Variants in MYOF observed in about 807,000 individuals in gnomAD.
The protein encoded by MYOF is myoferlin.
Under a neutral mutation model 284.2 loss-of-function variants are expected in MYOF, and 244 were observed. The observed-to-expected ratio is 0.86, with a 90% CI of 0.77 to 0.95. The LOEUF (loss-of-function observed/expected upper bound fraction) is 0.95, where lower values mean the gene tolerates loss of function less well. MYOF is among the 40% of genes least tolerant of loss of function. The pLI is 0.00. For missense variants in MYOF, 2,496 were observed against 2,560.6 expected, an observed-to-expected ratio of 0.97 and a Z score of 0.54; for synonymous variants, 904 against 919.7, an observed-to-expected ratio of 0.98 and a Z score of 0.31.
rs1848868917 is a variant in MYOF at position 93,431,503 on chromosome 10, CCGT to C, written c.247_249del (p.Thr83del). On this transcript the variant is annotated inframe_deletion, in exon 4 of 54. Transcript: ENST00000359263. ...GTCAGGTCCTTCAGGGCTACAGTCGCCGTGCCAATTAATCTGCAGGGAAAACAG... is the reference window on the plus strand; with the variant it reads ...GTCAGGTCCTTCAGGGCTACAGTCGCGCCAATTAATCTGCAGGGAAAACAG... The C allele has an allele frequency of 6.2e-7, 1 of 1,613,632 alleles. No individual in the cohort carries two copies. The highest frequency in any genetic ancestry group is 8.5e-7 in the Non-Finnish European group (1 of 1,179,804).
intron 12 of MYOF, among the ~76,000 whole-genome samples, chr10:93,399,980 AGCCAGTATAT>A (rs1847197017): frequency 6.6e-6 from 1 of 152,242 alleles, no homozygotes; most frequent in Non-Finnish European, 1.5e-5. Flanking sequence ...GCCAAGATCA[AGCCAGTATAT>A]GCCAGCCTCC....
At position 93,325,965 on chromosome 10, in the gene MYOF, T is replaced by A. The variant is rs766354108; in HGVS notation, c.5132A>T (p.Glu1711Val). 1 of 1,613,998 alleles carries A rather than the reference T, an allele frequency of 6.2e-7. No homozygotes were observed. Residue 1711 changes from glutamate (E) to valine (V), a missense_variant and splice_region_variant, in exon 46 of 54, where the codon GAA becomes GTA. Transcript: ENST00000359263. ...GGRDYSLDEF[E>V]ANKILHQHLG... is the part of the protein sequence containing the mutation. ...GTGCTGGTGCAGGATTTTGTTGGCT[T>A]CTGCAATGGAAAGCAGCATTGAAGC...
At chr10:93,377,451 G>A in intron 21 of MYOF, 22 bp from the exon 22 acceptor site, 1 of 1,510,970 alleles carries the variant, frequency 6.6e-7, no homozygotes, top group Non-Finnish European at 9.2e-7. Context: ...GAAAAGAGAG[G>A]AAATAATTGA....
chr10:93,374,727 A>G (rs747863468), intron 23 of MYOF, 36 bp downstream of exon 23: 3 of 1,590,210 alleles, frequency 1.9e-6, no homozygotes, highest in Non-Finnish European at 2.6e-6. Context: ...CCCTTCTTCC[A>G]TATCAGGTGA....
intron 51 of MYOF, among the ~76,000 whole-genome samples, chr10:93,312,400 C>T (rs781479549): frequency 6.6e-6 from 1 of 151,976 alleles, no homozygotes; most frequent in African/African-American, 2.4e-5. Context: ...GGCTGGAGTA[C>T]AGTGGCACGA....
At chr10:93,434,075 A>G (rs1848994118) in intron 3 of MYOF, among the ~76,000 whole-genome samples, 2 of 152,206 alleles carry the variant, frequency 1.3e-5, no homozygotes, top group Admixed American at 1.3e-4. Context: ...CTTGTAAAGA[A>G]CACCACACAA....
Position 93,369,731 on chromosome 10 carries a change from G to T in MYOF, c.2503C>A (p.Arg835=), listed in dbSNP as rs759204281. 1.2e-6 allele frequency: 2 copies of T among 1,614,018 alleles called. No homozygotes were observed. The highest frequency in any genetic ancestry group is 2.7e-5 in the African/African-American group (2 of 74,896). ...CTTAAGCCTAGCCAGATGTTCACTC[G>T]CAACTCCACAGGCACCTTTGGCCCG... The part of the protein sequence containing the change: ...NNGPKVPVEL[R]VNIWLGLSAV... The change falls in exon 25 of 54, where the codon CGA becomes AGA. Residue 835 remains arginine, a synonymous_variant. Transcript: ENST00000359263.
intron 1 of MYOF, among the ~76,000 whole-genome samples, chr10:93,471,175 T>C (rs1165920590): frequency 6.6e-6 from 1 of 152,172 alleles, no homozygotes; most frequent in Non-Finnish European, 1.5e-5. Flanking sequence ...TCTCCACTAA[T>C]AAAATGGCTC....
intron 18 of MYOF, among the ~76,000 whole-genome samples, chr10:93,388,283 C>T (rs1425077115): frequency 2.6e-5 from 4 of 152,176 alleles, no homozygotes; most frequent in African/African-American, 7.2e-5. Context: ...CAGGGAAGCT[C>T]TGCATTTATC....
At chr10:93,344,609 G>C (rs183163792) in intron 37 of MYOF, among the ~76,000 whole-genome samples, 6 of 151,804 alleles carry the variant, frequency 4.0e-5, no homozygotes, top group Admixed American at 3.9e-4. Flanking sequence ...GAGAGGCCAG[G>C]GGAAGGAGAA....
intron 3 of MYOF, among the ~76,000 whole-genome samples, chr10:93,438,547 G>A (rs2056143054): frequency 6.6e-6 from 1 of 152,066 alleles, no homozygotes; most frequent in African/African-American, 2.4e-5. Flanking sequence ...CCCTCACCAG[G>A]GCGTCTGCAG....
rs1157232251 is a variant in MYOF, at chr10:93,361,441, TAC to T, written c.2974+9_2974+10del. The T allele has an allele frequency of 6.2e-7, 1 of 1,612,898 alleles. No individual in the cohort carries two copies. The highest frequency in any genetic ancestry group is 8.5e-7 in the Non-Finnish European group (1 of 1,178,888). On this transcript the variant is annotated intron_variant, in intron 28 of 53. Coordinates refer to ENST00000359263, the MANE Select transcript of MYOF (RefSeq NM_013451.4). ...CAGAGCCCCAATCAGGTCACAGATG[TAC>T]AATGTTACCTTTCTCATCCACCGCT...
intron 4 of MYOF, among the ~76,000 whole-genome samples, chr10:93,429,871 G>C (rs1232599650): frequency 1.3e-5 from 2 of 151,990 alleles, no homozygotes; most frequent in African/African-American, 4.8e-5. Context: ...TTTTTTTAAA[G>C]CACATGCACT....
rs567362162 is a variant in MYOF, at chr10:93,403,702, C to T, written c.843+321G>A. Among the ~76,000 whole-genome samples, 8 of 152,272 alleles carry T rather than the reference C, an allele frequency of 5.3e-5. No individual in the cohort carries two copies. The East Asian group carries it at 1.5e-3, about 29-fold the overall frequency. On this transcript the variant is annotated intron_variant, in intron 9 of 53. Coordinates refer to ENST00000359263, the MANE Select transcript of MYOF (RefSeq NM_013451.4). ...TGGCTTTGCAGATGGAGCTTTGGGG[C>T]CCCCAGTAAGTGGAGGTAGATGGTG...
At chr10:93,443,288 A>G (rs61867760) in intron 3 of MYOF, among the ~76,000 whole-genome samples, 30 of 152,122 alleles carry the variant, frequency 2.0e-4, no homozygotes, top group Admixed American at 3.9e-4. Context: ...ATCCTTCCCT[A>G]TGAATTACAA....
chr10:93,391,997 G>A (rs1055413905), intron 17 of MYOF, among the ~76,000 whole-genome samples: 1 of 152,086 alleles, frequency 6.6e-6, no homozygotes, highest in Non-Finnish European at 1.5e-5. Flanking sequence ...ACCTACTACT[G>A]GTTCTATCAT....
At chr10:93,434,287 C>T (rs900905258) in intron 3 of MYOF, among the ~76,000 whole-genome samples, 2 of 151,984 alleles carry the variant, frequency 1.3e-5, no homozygotes, top group African/African-American at 4.8e-5. Flanking sequence ...AACAAATTAG[C>T]CAGGTGTGGT....
chr10:93,333,704 C>CTGA (rs1843454916), intron 42 of MYOF, 54 bp downstream of exon 42: 1 of 1,591,654 alleles, frequency 6.3e-7, no homozygotes, highest in Non-Finnish European at 8.6e-7. Flanking sequence ...ATTATTGTGG[C>CTGA]TGATGACTGT....
intron 16 of MYOF, among the ~76,000 whole-genome samples, chr10:93,393,374 A>T (rs542702202): frequency 6.6e-6 from 1 of 152,192 alleles, no homozygotes; most frequent in Non-Finnish European, 1.5e-5. Context: ...TTTATTGCAC[A>T]TTATTTGATT....
Sources: allele counts gnomAD v4.1 joint callset (sites outside exome capture counted in the v4.1 genomes callset), GRCh38; gene constraint gnomAD v4.1.1; transcripts MANE v1.5; gene names NCBI Gene and HGNC (gene_info 2026-07-23, HGNC 2026-07-21).